Variants in F8 observed in about 807,000 individuals in gnomAD.
F8 encodes the protein antihemophilic factor.
In F8, 12 loss-of-function variants were observed where a neutral mutation model predicts 140.6. The observed-to-expected ratio is 0.09, with a 90% CI of 0.05 to 0.14. The LOEUF is 0.14. Among genes scored for constraint, F8 ranks in the 10% least tolerant of loss-of-function variants. F8 has a pLI of 1.00. For missense variants in F8, 1,354 were observed against 1,720.7 expected (o/e 0.79, Z 3.77); for synonymous variants, 585 against 614.6 (o/e 0.95, Z 0.71).
At chrX:154,864,536 G>A (rs1557273055) in intron 22 of F8, among the ~76,000 whole-genome samples, 1 of 112,132 alleles carries the variant, frequency 8.9e-6, no homozygotes, top group Non-Finnish European at 1.9e-5. Context: ...ATTTAAAGAA[G>A]CTCAATTAGC....
chrX:154,963,759 G>A (rs1180247059), intron 9 of F8, among the ~76,000 whole-genome samples: 2 of 111,396 alleles, frequency 1.8e-5, no homozygotes, highest in Admixed American at 1.9e-4. Context: ...GATTCAGCAT[G>A]GTATCCAGAG....
At chrX:154,910,558 T>TATA (rs1206867657) in intron 14 of F8, among the ~76,000 whole-genome samples, 1 of 111,359 alleles carries the variant, frequency 9.0e-6, no homozygotes, top group Non-Finnish European at 1.9e-5. Flanking sequence ...GAACTTAAAG[T>TATA]ATAATAATAA....
At chrX:154,867,805 A>T (rs1311836931) in intron 22 of F8, among the ~76,000 whole-genome samples, 1 of 110,913 alleles carries the variant, frequency 9.0e-6, no homozygotes, top group Non-Finnish European at 1.9e-5. Flanking sequence ...AACACCAGCC[A>T]ACCAAATTCA....
chrX:154,990,870 T>C (rs782486356), intron 4 of F8, among the ~76,000 whole-genome samples: 7 of 111,574 alleles, frequency 6.3e-5, no homozygotes, highest in Non-Finnish European at 9.4e-5. Flanking sequence ...TGCACAACTT[T>C]ATGGGTTTAC....
intron 14 of F8, chrX:154,919,192 G>A (rs782630649): frequency 2.7e-5 from 3 of 111,365 alleles, no homozygotes; most frequent in East Asian, 2.8e-4. Flanking sequence ...ATATCTTAAC[G>A]CTCATAAAAC....
chrX:154,917,684 T>G (rs967729151), intron 14 of F8, among the ~76,000 whole-genome samples: 12 of 112,144 alleles, frequency 1.1e-4, no homozygotes, highest in Admixed American at 8.5e-4. Context: ...GCTCATTGAT[T>G]GTTCGTTTTG....
intron 3 of F8, among the ~76,000 whole-genome samples, chrX:154,994,040 G>T (rs2073603489): frequency 8.9e-6 from 1 of 112,211 alleles, no homozygotes; most frequent in Non-Finnish European, 1.9e-5. Context: ...CAACACAGTG[G>T]ATAAAAAAAG....
Position 154,999,553 on chromosome X carries a change from A to G in F8, c.191T>C (p.Val64Ala). ...TTCTACAAACAGAGTCTTTTTGTAC[A>G]CGACTGAGGTGTTGAATGGAAAAGA... is the stretch of plus-strand genomic sequence containing the variant. Reference protein sequence around the residue: ...PKSFPFNTSVVYKKTLFVEFT... With the variant: ...PKSFPFNTSVAYKKTLFVEFT... The change falls in exon 2 of 26, where the codon GTG (valine) becomes GCG (alanine). Residue 64 changes from valine to alanine, a missense_variant. Transcript: ENST00000360256. 1 of 1,208,751 alleles carries G rather than the reference A, an allele frequency of 8.3e-7. No homozygotes were observed. The highest frequency in any genetic ancestry group is 1.1e-6 in the Non-Finnish European group (1 of 893,290).
intron 1 of F8, among the ~76,000 whole-genome samples, chrX:155,003,194 T>A (rs1297290932): frequency 9.0e-6 from 1 of 111,655 alleles, no homozygotes; most frequent in Non-Finnish European, 1.9e-5. Context: ...ATGGCTTTAA[T>A]GTAAAAAGTA....
chrX:154,962,569 C>CACCTGCTTT (rs2073400798), intron 9 of F8, among the ~76,000 whole-genome samples: 1 of 111,748 alleles, frequency 8.9e-6, no homozygotes, highest in Non-Finnish European at 1.9e-5. Context: ...TGCCTGATTG[C>CACCTGCTTT]ACCAGCTTTA....
chrX:154,954,077 T>C (rs782820915), intron 11 of F8, 35 bp from the exon 12 acceptor site: 1 of 1,181,844 alleles, frequency 8.5e-7, no homozygotes, highest in East Asian at 3.0e-5. Context: ...GGTAAAGAAA[T>C]GCTACTGATG....
chrX:154,963,046 C>T (rs2124101502), intron 9 of F8, among the ~76,000 whole-genome samples: 1 of 111,580 alleles, frequency 9.0e-6, no homozygotes, highest in African/African-American at 3.3e-5. Context: ...GTCTTAAAAC[C>T]CAGTCATTCT....
In F8 at chrX:154,966,339, T is replaced by C. The variant is rs185566071; in HGVS notation, c.1271+87A>G. The C allele has an allele frequency of 5.4e-5, 60 of 1,119,058 alleles. No individual in the cohort carries two copies. The Middle Eastern group carries it at 1.1e-3, about 20-fold the overall frequency. The allele number at this position is 1,119,058 out of a possible 1,213,427, so 92.2% of individuals were successfully genotyped here. ...CCATACCTGTACCTAACCTTAAACA[T>C]GGCTTCAGGATTTGTTGGTTTGAAT... On this transcript the variant is annotated intron_variant, in intron 8 of 25. Coordinates refer to ENST00000360256, the MANE Select transcript of F8 (RefSeq NM_000132.4).
intron 14 of F8, 21 bp from the exon 15 acceptor site, chrX:154,906,594 A>C: frequency 8.3e-7 from 1 of 1,204,624 alleles, no homozygotes; most frequent in Non-Finnish European, 1.1e-6. Flanking sequence ...AAAGCAGAGG[A>C]AAAGCAATAA....
chrX:154,920,903 C>G (rs901305865), intron 14 of F8, among the ~76,000 whole-genome samples: 1 of 112,162 alleles, frequency 8.9e-6, no homozygotes, highest in Non-Finnish European at 1.9e-5. Flanking sequence ...CATTACACTA[C>G]TAGAGTGTTT....
chrX:154,838,563 T>C (rs1011112582), intron 25 of F8, among the ~76,000 whole-genome samples: 2 of 111,801 alleles, frequency 1.8e-5, no homozygotes, highest in Non-Finnish European at 1.9e-5. Flanking sequence ...CCATGATATC[T>C]TTAGGATCTC....
At chrX:154,932,461 C>A (rs1557278924) in intron 13 of F8, among the ~76,000 whole-genome samples, 1 of 111,601 alleles carries the variant, frequency 9.0e-6, no homozygotes, top group Admixed American at 9.5e-5. Context: ...ACCAAGCTAC[C>A]CGTTGGGTAC....
intron 3 of F8, among the ~76,000 whole-genome samples, chrX:154,996,261 G>A (rs1195771441): frequency 2.7e-5 from 3 of 111,410 alleles, no homozygotes; most frequent in Non-Finnish European, 3.8e-5. Flanking sequence ...GGTATAGAAG[G>A]AGCAGATAAA....
rs1179350881 is a variant in F8 at position 154,988,183 on chromosome X, T to G, written c.602-878A>C. ...CTCTTGCTTTCTTACTCAATTGAGT[T>G]GTTTGTTCTCTGAATTCACAGCCTG... On this transcript the variant is annotated intron_variant, in intron 4 of 25. Transcript: ENST00000360256. Among the ~76,000 whole-genome samples the G allele has an allele frequency of 2.7e-5, 3 of 112,140 alleles. No homozygotes were observed. The East Asian group carries it at 8.3e-4, about 31-fold the overall frequency.
Sources: gnomAD v4.1 joint callset for allele counts (sites outside exome capture counted in the v4.1 genomes callset) on GRCh38, gnomAD v4.1.1 for gene constraint, MANE v1.5 for transcripts, NCBI Gene and HGNC (gene_info 2026-07-23, HGNC 2026-07-21) for gene names.